FSHR: variants seen among roughly 807,000 people sequenced by gnomAD.
FSHR encodes follicle stimulating hormone receptor, also known as follicle-stimulating hormone receptor.
In FSHR, 46 loss-of-function variants were observed where a neutral mutation model predicts 52.1. The observed-to-expected ratio is 0.88, with a 90% CI of 0.70 to 1.13. The LOEUF (loss-of-function observed/expected upper bound fraction) is 1.13. Among genes scored for constraint, FSHR ranks in the 50% most tolerant of loss-of-function variants. The probability of loss-of-function intolerance (pLI) is 0.00; values close to 1 mark genes in which losing one functional copy is unlikely to be tolerated. For synonymous variants in FSHR, 399 were observed against 309.6 expected (o/e 1.29, Z -3.03); for missense variants, 964 against 834.6 (o/e 1.16, Z -1.91).
intron 4 of FSHR, 146 bp downstream of exon 4, chr2:49,017,343 C>T (rs2104210500): frequency 4.8e-6 from 3 of 626,662 alleles, no homozygotes; most frequent in Middle Eastern, 3.1e-4. Flanking sequence ...AATCCATCAC[C>T]AAGTATCTCT....
At chr2:48,979,186 T>C (rs914868865) in intron 8 of FSHR, among the ~76,000 whole-genome samples, 4 of 152,162 alleles carry the variant, frequency 2.6e-5, no homozygotes, top group African/African-American at 9.7e-5. Context: ...GACTCACGCC[T>C]GTAATTCCAG....
At chr2:48,995,545 T>C (rs1395594305) in intron 4 of FSHR, among the ~76,000 whole-genome samples, 3 of 152,078 alleles carry the variant, frequency 2.0e-5, no homozygotes, top group Non-Finnish European at 4.4e-5. Flanking sequence ...CCAGAAACTT[T>C]AAAGCTAGTT....
chr2:49,009,489 A>T (rs62165288), intron 4 of FSHR, among the ~76,000 whole-genome samples: 1 of 139,798 alleles, frequency 7.2e-6, no homozygotes, highest in African/African-American at 2.6e-5. Context: ...CTTTTGGCTT[A>T]GGATTGACTT....
chr2:49,061,573 T>C (rs1669291777), intron 2 of FSHR, among the ~76,000 whole-genome samples: 1 of 143,716 alleles, frequency 7.0e-6, no homozygotes, highest in Admixed American at 7.2e-5. Flanking sequence ...AATATACATA[T>C]TTAGATATAT....
intron 1 of FSHR, among the ~76,000 whole-genome samples, chr2:49,149,392 C>G (rs1184761100): frequency 6.6e-6 from 1 of 152,042 alleles, no homozygotes; most frequent in African/African-American, 2.4e-5. Flanking sequence ...GAGTCCTTTT[C>G]TAGATGTGAT....
chr2:49,064,392 G>C (rs531865768), intron 2 of FSHR, among the ~76,000 whole-genome samples: 1 of 152,164 alleles, frequency 6.6e-6, no homozygotes, highest in South Asian at 2.1e-4. Context: ...ATTAAAAAGG[G>C]CTTTTGGGAG....
intron 1 of FSHR, among the ~76,000 whole-genome samples, chr2:49,075,719 C>G (rs777374733): frequency 2.6e-5 from 4 of 152,040 alleles, no homozygotes; most frequent in African/African-American, 4.8e-5. Context: ...CCTTGACTTC[C>G]TGGGCTTAAT....
chr2:49,100,286 T>G (rs1273952978), intron 1 of FSHR, among the ~76,000 whole-genome samples: 1 of 152,128 alleles, frequency 6.6e-6, no homozygotes, highest in Non-Finnish European at 1.5e-5. Flanking sequence ...TTCCTGCTTG[T>G]AAGTGTGAAC....
intron 1 of FSHR, among the ~76,000 whole-genome samples, chr2:49,121,649 A>G (rs1671820602): frequency 6.6e-6 from 1 of 152,192 alleles, no homozygotes; most frequent in African/African-American, 2.4e-5. Flanking sequence ...TGCAGTTGTC[A>G]TTCTGGATAC....
intron 1 of FSHR, among the ~76,000 whole-genome samples, chr2:49,110,548 T>C (rs959510584): frequency 1.3e-5 from 2 of 152,174 alleles, no homozygotes; most frequent in Non-Finnish European, 2.9e-5. Context: ...AGTTGTTAGT[T>C]GACTACATAT....
At position 49,062,299 on chromosome 2, in the gene FSHR, G is replaced by C. The variant is rs1669340634; in HGVS notation, c.224+5920C>G. ...AAGTGATTTTCAACAAAGACATTGA[G>C]AACGTTCATTGGGGAAAGGAAAATC... On this transcript the variant is annotated intron_variant, in intron 2 of 9. Coordinates refer to ENST00000406846, the MANE Select transcript of FSHR (RefSeq NM_000145.4). Among the ~76,000 whole-genome samples, 3 of 152,128 alleles carry C rather than the reference G, an allele frequency of 2.0e-5. No homozygotes were observed. In the South Asian group the frequency reaches 6.2e-4, roughly 31 times the overall value.
chr2:48,989,236 G>C (rs1675657157), intron 5 of FSHR, among the ~76,000 whole-genome samples, 182 bp from the exon 6 acceptor site: 2 of 145,916 alleles, frequency 1.4e-5, no homozygotes, highest in Non-Finnish European at 3.0e-5. Context: ...TTTATCTTTA[G>C]TATGTTCTTA....
At chr2:49,122,283 A>G (rs1671845200) in intron 1 of FSHR, among the ~76,000 whole-genome samples, 1 of 152,184 alleles carries the variant, frequency 6.6e-6, no homozygotes, top group South Asian at 2.1e-4. Context: ...AATGAGCTGG[A>G]GCCTTACTGA....
chr2:49,069,361 C>G lies in FSHR; in HGVS notation c.153-1071G>C, dbSNP rs1007074767. ...CCTCATGGCTTGTTATCTCAGACCC[C>G]CATTTGCTCAAATGTTACCATTTCA... is the stretch of plus-strand genomic sequence containing the variant. On this transcript the variant is annotated intron_variant, in intron 1 of 9. Transcript: ENST00000406846. Among the ~76,000 whole-genome samples the G allele has an allele frequency of 3.3e-5, 5 of 152,088 alleles. No homozygotes were observed. In the South Asian group the frequency reaches 1.0e-3, roughly 32 times the overall value.
intron 2 of FSHR, 119 bp downstream of exon 2, chr2:49,068,100 A>C (rs1376066385): frequency 1.3e-6 from 1 of 778,408 alleles, no homozygotes; most frequent in African/African-American, 1.7e-5. Flanking sequence ...GAGATGCAGA[A>C]AGTTTGGCTG....
At chr2:49,030,141 T>C (rs980808403) in intron 2 of FSHR, among the ~76,000 whole-genome samples, 2 of 152,204 alleles carry the variant, frequency 1.3e-5, no homozygotes, top group African/African-American at 4.8e-5. Flanking sequence ...GAGCCATTAT[T>C]CTCTTAAAGA....
At chr2:49,149,656 G>C (rs1031930033) in intron 1 of FSHR, among the ~76,000 whole-genome samples, 1 of 151,900 alleles carries the variant, frequency 6.6e-6, no homozygotes, top group Non-Finnish European at 1.5e-5. Context: ...ACATCCCTCT[G>C]AACTAAGGAC....
chr2:49,108,080 TC>T (rs1382657647), intron 1 of FSHR, among the ~76,000 whole-genome samples: 1 of 152,134 alleles, frequency 6.6e-6, no homozygotes, highest in Admixed American at 6.6e-5. Context: ...TGAATGGGCA[TC>T]ATCTAATCTG....
intron 1 of FSHR, among the ~76,000 whole-genome samples, chr2:49,089,362 G>T (rs555271927): frequency 6.6e-6 from 1 of 152,170 alleles, no homozygotes; most frequent in African/African-American, 2.4e-5. Context: ...TCAGAAGAAC[G>T]TAAAATAATA....
Sources: gnomAD v4.1 joint callset for allele counts (sites outside exome capture counted in the v4.1 genomes callset) on GRCh38, gnomAD v4.1.1 for gene constraint, MANE v1.5 for transcripts, NCBI Gene and HGNC (gene_info 2026-07-23, HGNC 2026-07-21) for gene names.